Variants in PDE4D observed in about 807,000 individuals in gnomAD.
PDE4D encodes the protein 3',5'-cyclic-AMP phosphodiesterase 4D.
A neutral mutation model predicts 87.4 loss-of-function variants in PDE4D; 24 were observed. The ratio of observed to expected loss-of-function variants is 0.27; its 90% confidence interval spans 0.20 to 0.39. The LOEUF is 0.39. Among genes scored for constraint, PDE4D ranks in the 10% least tolerant of loss-of-function variants. The pLI, the probability that PDE4D is intolerant of heterozygous loss-of-function variation, is 1.00. For missense variants in PDE4D, 714 were observed against 1,041.0 expected (o/e 0.69, Z 4.32); for synonymous variants, 384 against 383.2 (o/e 1.00, Z -0.02).
chr5:60,015,646 G>A (rs185947080), intron 2 of PDE4D, among the ~76,000 whole-genome samples: 2 of 152,216 alleles, frequency 1.3e-5, no homozygotes, highest in East Asian at 1.9e-4. Flanking sequence ...TTTTTTAGAT[G>A]AGATTAATCA....
In PDE4D at chr5:59,898,956, T is replaced by C. The variant is rs533942653; in HGVS notation, c.272+89532A>G. ...AAGATGGGGTTGAGGGGCGTTGAAC[T>C]GCAGGGCACAGATGGAAGCATTTGC... is the stretch of plus-strand genomic sequence containing the variant. On this transcript the variant is annotated intron_variant, in intron 3 of 16. Coordinates refer to the PDE4D transcript ENST00000502484. Among the ~76,000 whole-genome samples, 273 of 152,106 alleles carry C rather than the reference T, an allele frequency of 1.8e-3. 1 individual carries two copies. Among genetic ancestry groups the C allele is most frequent in the Non-Finnish European group, 2.2e-3 (148 of 68,028 alleles).
chr5:59,724,628 A>G (rs17799191), intron 1 of PDE4D, among the ~76,000 whole-genome samples: 45,919 of 151,970 alleles, frequency 0.3, 7,168 homozygotes, highest in Middle Eastern at 0.5. Context: ...AAATGCTTTT[A>G]TTGGCTTGTC....
chr5:59,489,294 A>AT (rs397997899), intron 1 of PDE4D, among the ~76,000 whole-genome samples: 2 of 151,588 alleles, frequency 1.3e-5, no homozygotes, highest in Non-Finnish European at 2.9e-5. Flanking sequence ...ACAAAAAAAA[A>AT]CATTGTTGCT....
intron 2 of PDE4D, among the ~76,000 whole-genome samples, chr5:60,076,802 T>G (rs1773344075): frequency 6.6e-6 from 1 of 152,218 alleles, no homozygotes; most frequent in Non-Finnish European, 1.5e-5. Context: ...CATTTGCATG[T>G]GCCAGCAGCA....
chr5:59,220,377 C>CAAAAAAAAAAAAAAAAAAA (rs57610513), intron 1 of PDE4D, among the ~76,000 whole-genome samples: 15 of 36,148 alleles, frequency 4.1e-4, no homozygotes, highest in African/African-American at 6.5e-4. Flanking sequence ...GACTCTGTCT[C>CAAAAAAAAAAAAAAAAAAA]AAAAAAAAAA....
intron 5 of PDE4D, among the ~76,000 whole-genome samples, chr5:59,160,400 C>T (rs1780885555): frequency 6.6e-6 from 1 of 152,010 alleles, no homozygotes; most frequent in Non-Finnish European, 1.5e-5. Context: ...AGTGTACAAC[C>T]TTTATTACAT....
chr5:58,994,843 T>C (rs1748819134), intron 6 of PDE4D, among the ~76,000 whole-genome samples: 4 of 151,994 alleles, frequency 2.6e-5, no homozygotes, highest in African/African-American at 9.6e-5. Flanking sequence ...TGTATTCGCA[T>C]GCCAGCGTAG....
chr5:60,466,024 G>A (rs1457073226), intron 1 of PDE4D, among the ~76,000 whole-genome samples: 6 of 152,054 alleles, frequency 3.9e-5, no homozygotes, highest in Admixed American at 6.6e-5. Flanking sequence ...ATTCTAAGTC[G>A]AACCATCATG....
chr5:59,295,941 T>C (rs1768998282), intron 1 of PDE4D, among the ~76,000 whole-genome samples: 1 of 152,076 alleles, frequency 6.6e-6, no homozygotes, highest in Non-Finnish European at 1.5e-5. Flanking sequence ...GTGGGAAATA[T>C]TGTAAATACA....
At chr5:60,112,908 G>A (rs958557999) in intron 2 of PDE4D, among the ~76,000 whole-genome samples, 6 of 152,066 alleles carry the variant, frequency 3.9e-5, no homozygotes, top group African/African-American at 1.4e-4. Context: ...GAAGAGAGAA[G>A]GTTCATGAGG....
chr5:60,371,372 C>T (rs1228635466), intron 1 of PDE4D, among the ~76,000 whole-genome samples: 4 of 152,176 alleles, frequency 2.6e-5, no homozygotes, highest in Non-Finnish European at 5.9e-5. Flanking sequence ...CTGTCACCAT[C>T]GTTGTGTCCC....
chr5:59,827,271 G>C (rs944016455), intron 1 of PDE4D, among the ~76,000 whole-genome samples: 1 of 151,946 alleles, frequency 6.6e-6, no homozygotes, highest in Non-Finnish European at 1.5e-5. Flanking sequence ...GAGTCAACAA[G>C]CAGAAGTAGT....
intron 2 of PDE4D, among the ~76,000 whole-genome samples, chr5:60,173,742 A>G (rs1306303152): frequency 1.3e-5 from 2 of 152,154 alleles, no homozygotes; most frequent in African/African-American, 4.8e-5. Flanking sequence ...CAGCTTCCAT[A>G]TATAATTTTA....
intron 3 of PDE4D, among the ~76,000 whole-genome samples, chr5:59,926,276 A>G (rs1185558420): frequency 6.6e-6 from 1 of 152,190 alleles, no homozygotes; most frequent in East Asian, 1.9e-4. Context: ...TGAGTCAATG[A>G]GGAAATTAAG....
chr5:59,028,010 A>G (rs10940639), intron 6 of PDE4D, among the ~76,000 whole-genome samples: 9,722 of 152,120 alleles, frequency 0.064, 413 homozygotes, highest in South Asian at 0.095. Context: ...AATATTAATA[A>G]GATATTGTGT....
intron 5 of PDE4D, among the ~76,000 whole-genome samples, chr5:59,122,390 C>A (rs1373918131): frequency 6.6e-6 from 1 of 151,960 alleles, no homozygotes; most frequent in Non-Finnish European, 1.5e-5. Flanking sequence ...ATACCAGAGC[C>A]TGGGAGGAGT....
intron 3 of PDE4D, among the ~76,000 whole-genome samples, chr5:59,901,507 C>T (rs1752257354): frequency 6.6e-6 from 1 of 151,996 alleles, no homozygotes; most frequent in Non-Finnish European, 1.5e-5. Context: ...GAGGATAAGT[C>T]ATAAATTGGA....
intron 1 of PDE4D, among the ~76,000 whole-genome samples, chr5:60,220,857 T>G (rs1344722382): frequency 1.3e-5 from 2 of 152,168 alleles, no homozygotes; most frequent in African/African-American, 4.8e-5. Context: ...TTTAATAGAC[T>G]ACTGGTAAAT....
chr5:60,420,718 T>TGGAGTG (rs1367709809), intron 1 of PDE4D, among the ~76,000 whole-genome samples: 8 of 152,156 alleles, frequency 5.3e-5, no homozygotes, highest in Non-Finnish European at 1.2e-4. Flanking sequence ...GTGCAGCCCA[T>TGGAGTG]GGAGCGGGAG....
Sources: gnomAD v4.1 joint callset for allele counts (sites outside exome capture counted in the v4.1 genomes callset) on GRCh38, gnomAD v4.1.1 for gene constraint, MANE v1.5 for transcripts, NCBI Gene and HGNC (gene_info 2026-07-23, HGNC 2026-07-21) for gene names.